CNTNAP2: variants seen among roughly 807,000 people sequenced by gnomAD.
CNTNAP2 encodes the protein contactin-associated protein-like 2.
Under a neutral mutation model 155.2 loss-of-function variants are expected in CNTNAP2, and 98 were observed. The observed-to-expected ratio is 0.63, with a 90% CI of 0.54 to 0.75. The LOEUF (loss-of-function observed/expected upper bound fraction) is 0.75, where lower values mean the gene tolerates loss of function less well. Ranked by LOEUF, CNTNAP2 falls within the 30% of genes least tolerant of loss-of-function variation. CNTNAP2 has a pLI of 0.00. For missense variants in CNTNAP2, 1,727 were observed against 1,688.1 expected (o/e 1.02, Z -0.40); for synonymous variants, 651 against 631.2 (o/e 1.03, Z -0.47).
At chr7:147,240,723 A>T (rs1481916142) in intron 8 of CNTNAP2, among the ~76,000 whole-genome samples, 1 of 152,232 alleles carries the variant, frequency 6.6e-6, no homozygotes, top group African/African-American at 2.4e-5. Context: ...TTTGGCCAGC[A>T]GCAGAGTACT....
At chr7:146,837,110 A>G (rs1803632822) in intron 2 of CNTNAP2, among the ~76,000 whole-genome samples, 2 of 152,118 alleles carry the variant, frequency 1.3e-5, no homozygotes, top group Non-Finnish European at 2.9e-5. Flanking sequence ...ATCTGAGTTT[A>G]TATATTTCAA....
chr7:146,609,235 G>C (rs1353759285), intron 1 of CNTNAP2, among the ~76,000 whole-genome samples: 1 of 152,146 alleles, frequency 6.6e-6, no homozygotes, highest in Non-Finnish European at 1.5e-5. Context: ...CTGATGATCA[G>C]GTGGTATTGT....
intron 15 of CNTNAP2, among the ~76,000 whole-genome samples, chr7:148,063,095 A>G (rs567814770): frequency 6.6e-6 from 1 of 152,248 alleles, no homozygotes; most frequent in South Asian, 2.1e-4. Context: ...ATTTTTATTG[A>G]AAGATATTGT....
intron 12 of CNTNAP2, among the ~76,000 whole-genome samples, chr7:147,569,317 A>G (rs1800237406): frequency 6.6e-6 from 1 of 152,124 alleles, no homozygotes; most frequent in Non-Finnish European, 1.5e-5. Flanking sequence ...GAGGTGGTGG[A>G]CTTGGGCTCC....
At chr7:148,367,290 A>G (rs1798802294) in intron 21 of CNTNAP2, among the ~76,000 whole-genome samples, 1 of 152,136 alleles carries the variant, frequency 6.6e-6, no homozygotes, top group African/African-American at 2.4e-5. Flanking sequence ...CAACATATCC[A>G]TGGGGTTCAG....
intron 2 of CNTNAP2, among the ~76,000 whole-genome samples, chr7:146,815,152 A>T (rs1251462411): frequency 2.0e-5 from 3 of 152,160 alleles, no homozygotes; most frequent in Non-Finnish European, 4.4e-5. Context: ...AGTTTTAAAA[A>T]TCTTACCTTG....
chr7:146,950,336 G>T (rs1797282952), intron 3 of CNTNAP2, among the ~76,000 whole-genome samples: 1 of 151,608 alleles, frequency 6.6e-6, no homozygotes, highest in Non-Finnish European at 1.5e-5. Flanking sequence ...TTAAGTTCTG[G>T]GATACATGTG....
At chr7:148,153,204 C>T (rs1198032255) in intron 17 of CNTNAP2, among the ~76,000 whole-genome samples, 2 of 146,620 alleles carry the variant, frequency 1.4e-5, no homozygotes, top group South Asian at 2.2e-4. Context: ...GTGTCATTAG[C>T]GAGGCCAGGC....
intron 6 of CNTNAP2, 38 bp downstream of exon 6, chr7:147,121,201 A>G: frequency 6.3e-7 from 1 of 1,592,356 alleles, no homozygotes; most frequent in Non-Finnish European, 8.6e-7. Flanking sequence ...TAAAATGTCA[A>G]GCAATTGTGT....
At chr7:146,574,751 T>C (rs1224824113) in intron 1 of CNTNAP2, among the ~76,000 whole-genome samples, 2 of 152,180 alleles carry the variant, frequency 1.3e-5, no homozygotes, top group African/African-American at 4.8e-5. Context: ...CAGTTTCTTA[T>C]AAAATGTATG....
At chr7:147,513,446 T>G (rs1298412810) in intron 11 of CNTNAP2, among the ~76,000 whole-genome samples, 2 of 152,214 alleles carry the variant, frequency 1.3e-5, no homozygotes, top group Non-Finnish European at 2.9e-5. Context: ...TTGAGGCTCA[T>G]TTTTCTCATC....
intron 13 of CNTNAP2, among the ~76,000 whole-genome samples, chr7:147,841,174 G>C (rs1169936192): frequency 6.6e-6 from 1 of 152,086 alleles, no homozygotes; most frequent in African/African-American, 2.4e-5. Context: ...CATTTTTCTT[G>C]CCTGATTGTT....
intron 3 of CNTNAP2, among the ~76,000 whole-genome samples, chr7:147,026,014 C>G (rs1433631973): frequency 1.3e-5 from 2 of 152,048 alleles, no homozygotes; most frequent in Admixed American, 1.3e-4. Context: ...TGTGTGCTAC[C>G]ACGCCTGGCT....
intron 13 of CNTNAP2, among the ~76,000 whole-genome samples, chr7:147,835,101 A>T (rs745367976): frequency 6.6e-6 from 1 of 152,200 alleles, no homozygotes. Flanking sequence ...ATCTCCAATG[A>T]AACATTCCCC....
chr7:148,320,376 C>CTTTTTTTTTTT (rs67424217), intron 21 of CNTNAP2, among the ~76,000 whole-genome samples: 2 of 63,384 alleles, frequency 3.2e-5, no homozygotes, highest in Non-Finnish European at 2.9e-5. Context: ...ATTTTTTTTT[C>CTTTTTTTTTTT]TTTTTTTTTT....
At chr7:147,560,567 G>A (rs982766927) in intron 11 of CNTNAP2, among the ~76,000 whole-genome samples, 2 of 152,062 alleles carry the variant, frequency 1.3e-5, no homozygotes, top group African/African-American at 2.4e-5. Context: ...GGGCTTTGCC[G>A]AGCTTTCTAG....
At chr7:147,497,074 G>A (rs897799474) in intron 11 of CNTNAP2, 3 of 152,012 alleles carry the variant, frequency 2.0e-5, no homozygotes, top group Non-Finnish European at 4.4e-5. Flanking sequence ...CTTGACTTTT[G>A]GGGTATTCTC....
At chr7:148,071,502 C>T (rs753272211) in intron 15 of CNTNAP2, among the ~76,000 whole-genome samples, 3 of 152,008 alleles carry the variant, frequency 2.0e-5, no homozygotes, top group Non-Finnish European at 4.4e-5. Flanking sequence ...CATACACACA[C>T]AAAATATGGA....
chr7:148,207,734 A>G (rs1795474717), intron 18 of CNTNAP2, among the ~76,000 whole-genome samples: 1 of 152,150 alleles, frequency 6.6e-6, no homozygotes, highest in Non-Finnish European at 1.5e-5. Flanking sequence ...TTAGACTAGG[A>G]TGTAAGGCGG....
Sources: allele counts gnomAD v4.1 joint callset (sites outside exome capture counted in the v4.1 genomes callset), GRCh38; gene constraint gnomAD v4.1.1; transcripts MANE v1.5; gene names NCBI Gene and HGNC (gene_info 2026-07-23, HGNC 2026-07-21).